The following PCLO variants were observed in gnomAD, a reference collection of about 807,000 sequenced individuals.
PCLO encodes the protein protein piccolo.
Under a neutral mutation model 427.5 loss-of-function variants are expected in PCLO, and 82 were observed. That is an observed-to-expected ratio of 0.19 (90% confidence interval 0.16 to 0.23). The LOEUF is 0.23. Ranked by LOEUF, PCLO falls within the 10% of genes least tolerant of loss-of-function variation. The probability of loss-of-function intolerance (pLI) is 1.00; values close to 1 mark genes in which losing one functional copy is unlikely to be tolerated. For missense variants in PCLO, 6,239 were observed against 6,115.9 expected, an observed-to-expected ratio of 1.02 and a Z score of -0.67; for synonymous variants, 2,357 against 2,155.4, an observed-to-expected ratio of 1.09 and a Z score of -2.59.
chr7:82,908,880 C>A lies in PCLO; in HGVS notation c.13434G>T (p.Glu4478Asp), dbSNP rs757013109. The change falls in exon 8 of 25, where the codon GAG becomes GAT. Residue 4478 changes from glutamate (E) to aspartate (D), a missense_variant. This residue lies in a region of PCLO where 877 missense variants were observed against 925.5 expected (regional missense o/e 0.95). Coordinates refer to ENST00000333891, the MANE Select transcript of PCLO (RefSeq NM_033026.6). ...AATTGCTAAATATAGCACTTACTTG[C>A]TCTTGATGTTGACTGAGTGGTCTAG... ...VHSRPLSQHQ[E>D]QIIQMNGKTM... 1.7e-5 allele frequency: 27 copies of A among 1,611,534 alleles called. No homozygotes were observed. The Admixed American group carries it at 4.5e-4, about 27-fold the overall frequency.
chr7:82,847,116 CAG>C, intron 11 of PCLO, 21 bp downstream of exon 11: 2 of 1,367,104 alleles, frequency 1.5e-6, no homozygotes, highest in South Asian at 1.2e-5. Flanking sequence ...AAAATGGAAA[CAG>C]AAAGATGGGG....
intron 3 of PCLO, among the ~76,000 whole-genome samples, chr7:83,126,597 G>A (rs1429787918): frequency 6.6e-6 from 1 of 151,736 alleles, no homozygotes; most frequent in Non-Finnish European, 1.5e-5. Flanking sequence ...ATTCATATAA[G>A]AATGAATCTC....
At chr7:83,087,728 TA>T (rs1304086470) in intron 3 of PCLO, among the ~76,000 whole-genome samples, 3 of 152,248 alleles carry the variant, frequency 2.0e-5, no homozygotes, top group African/African-American at 7.2e-5. Flanking sequence ...ACCTAAGATC[TA>T]ATAAACATGT....
intron 14 of PCLO, among the ~76,000 whole-genome samples, chr7:82,839,984 A>T (rs1436080870): frequency 6.6e-6 from 1 of 152,112 alleles, no homozygotes; most frequent in Non-Finnish European, 1.5e-5. Context: ...GGTAAATTTC[A>T]ACTACAGAAT....
intron 2 of PCLO, among the ~76,000 whole-genome samples, chr7:83,139,923 CA>C (rs1791821736): frequency 6.6e-6 from 1 of 152,150 alleles, no homozygotes; most frequent in East Asian, 1.9e-4. Flanking sequence ...CAGCACTTAA[CA>C]GTCTTGTATT....
rs116277248 is a variant in PCLO at position 82,922,759 on chromosome 7, G to A, written c.11113-5886C>T. 4.8e-3 allele frequency among the ~76,000 whole-genome samples: 723 copies of A among 151,906 alleles called. 4 individuals are homozygous for A. The highest frequency in any genetic ancestry group is 0.017 in the African/African-American group (686 of 41,498). ...AATAGAAGTTGGAAAGAAAAAAAAC[G>A]AACTACCTCATCTTTTGCTAAATAG... On this transcript the variant is annotated intron_variant, in intron 6 of 24. Coordinates refer to ENST00000333891, the MANE Select transcript of PCLO (RefSeq NM_033026.6).
rs776846677 is a variant in PCLO, at chr7:82,827,889, C to T, written c.14327G>A (p.Ser4776Asn). The T allele has an allele frequency of 9.5e-6, 15 of 1,577,750 alleles. No individual in the cohort carries two copies. Among genetic ancestry groups the T allele is most frequent in the Non-Finnish European group, 1.3e-5 (15 of 1,149,204 alleles). Residue 4776 changes from serine (S) to asparagine (N), a missense_variant, in exon 17 of 25, where the codon AGT becomes AAT. By Grantham distance (46) the Ser-to-Asn change is conservative. Coordinates refer to ENST00000333891, the MANE Select transcript of PCLO (RefSeq NM_033026.6). ...PEWNQTVIYKSISMEQLKKKT... is the reference protein window; with the variant it reads ...PEWNQTVIYKNISMEQLKKKT... ...TTGACATACCTGTTCCATGGAAATA[C>T]TTTTATAAATTACTGTTTGATTCCA...
At chr7:82,863,692 T>C (rs1339455882) in intron 10 of PCLO, among the ~76,000 whole-genome samples, 6 of 152,038 alleles carry the variant, frequency 3.9e-5, no homozygotes, top group Admixed American at 1.3e-4. Flanking sequence ...CTTAACTATG[T>C]TCCCTCCAGC....
intron 3 of PCLO, among the ~76,000 whole-genome samples, chr7:83,031,553 A>G (rs955543985): frequency 6.6e-6 from 1 of 152,190 alleles, no homozygotes; most frequent in African/African-American, 2.4e-5. Context: ...AAAAAGGGAA[A>G]TGGTAAAATT....
chr7:83,133,439 TA>T (rs1312895330), intron 3 of PCLO, among the ~76,000 whole-genome samples: 5 of 152,072 alleles, frequency 3.3e-5, no homozygotes, highest in Non-Finnish European at 4.4e-5. Context: ...AATATTCTAA[TA>T]GCCCTAACAT....
chr7:83,156,353 T>C lies in PCLO; in HGVS notation c.288A>G (p.Ser96=), dbSNP rs756464025. ...GACGCCCAGGGTCCGGGGGTCTTCC[T>C]GATTGCTTTGGAGGATGACTACTAT... ...ELDSSHPPKQ[S]GRPPDPGRPA... The change falls in exon 2 of 25, where the codon TCA becomes TCG. Residue 96 remains serine (S), a synonymous_variant. Transcript: ENST00000333891. The C allele has an allele frequency of 3.1e-6, 5 of 1,611,720 alleles. No homozygotes were observed. The highest frequency in any genetic ancestry group is 4.2e-6 in the Non-Finnish European group (5 of 1,178,988).
intron 2 of PCLO, among the ~76,000 whole-genome samples, chr7:83,142,053 C>T (rs527853133): frequency 6.6e-6 from 1 of 151,574 alleles, no homozygotes; most frequent in South Asian, 2.1e-4. Context: ...CCGACACACA[C>T]ACACAATTCC....
intron 16 of PCLO, among the ~76,000 whole-genome samples, chr7:82,829,543 G>A (rs867673766): frequency 8.5e-5 from 13 of 152,168 alleles, no homozygotes; most frequent in Middle Eastern, 3.4e-3. Flanking sequence ...ACACAATTAA[G>A]GGCAGAATTT....
chr7:82,768,084 C>G (rs2129467767), intron 22 of PCLO, among the ~76,000 whole-genome samples: 1 of 152,152 alleles, frequency 6.6e-6, no homozygotes, highest in South Asian at 2.1e-4. Flanking sequence ...AACTAATTTA[C>G]TTACAATTTA....
At chr7:83,058,674 AT>A (rs1355701942) in intron 3 of PCLO, among the ~76,000 whole-genome samples, 9 of 151,928 alleles carry the variant, frequency 5.9e-5, no homozygotes, top group Admixed American at 5.9e-4. Flanking sequence ...ATTATTTCCC[AT>A]TTTTTAGGTA....
chr7:83,059,458 C>T (rs1260903175), intron 3 of PCLO, among the ~76,000 whole-genome samples: 1 of 148,144 alleles, frequency 6.8e-6, no homozygotes, highest in East Asian at 2.0e-4. Flanking sequence ...GAATTCCTGG[C>T]TTTAAAAGAT....
intron 3 of PCLO, among the ~76,000 whole-genome samples, chr7:83,095,913 G>A (rs1227122025): frequency 6.6e-6 from 1 of 151,860 alleles, no homozygotes; most frequent in Non-Finnish European, 1.5e-5. Flanking sequence ...TGTTGGATGA[G>A]GGTTTTATAA....
rs563056427 is a variant in PCLO at position 83,156,262 on chromosome 7, C to T, written c.379G>A (p.Gly127Arg). Residue 127 changes from glycine (G) to arginine (R), a missense_variant, in exon 2 of 25, where the codon GGG (glycine) becomes AGG (arginine). By Grantham distance (125) the Gly-to-Arg change is moderately radical. This residue lies in a region of PCLO where 4,677 missense variants were observed against 4,468.4 expected (regional missense o/e 1.05). Transcript: ENST00000333891. Reference sequence around the variant, plus strand: ...AAGCTAATAGTGGAAGGACTCCTCCCAGGCAATTTCTGCTCTGACCTGAAA... The same window carrying T: ...AAGCTAATAGTGGAAGGACTCCTCCTAGGCAATTTCTGCTCTGACCTGAAA... ...DTFRSEQKLP[G>R]RSPSTISLKE... is the part of the protein sequence containing the mutation. 1.2e-6 allele frequency: 2 copies of T among 1,613,764 alleles called. No individual in the cohort carries two copies. The highest frequency in any genetic ancestry group is 2.7e-5 in the African/African-American group (2 of 75,004).
intron 3 of PCLO, among the ~76,000 whole-genome samples, chr7:83,024,072 G>A (rs570533910): frequency 7.6e-4 from 115 of 152,286 alleles, no homozygotes; most frequent in Admixed American, 1.9e-3. Context: ...TACATACTCA[G>A]ATAAGAAAAG....
Sources: allele counts gnomAD v4.1 joint callset (sites outside exome capture counted in the v4.1 genomes callset), GRCh38; gene constraint gnomAD v4.1.1; regional missense constraint gnomAD v4.1.1; transcripts MANE v1.5; gene names NCBI Gene and HGNC (gene_info 2026-07-23, HGNC 2026-07-21).